Variants in MRPL37 observed in about 807,000 individuals in gnomAD.
The protein encoded by MRPL37 is mitochondrial ribosomal protein L37.
MRPL37 carries 34 observed loss-of-function variants against 44.1 expected under a neutral mutation model. The ratio of observed to expected loss-of-function variants is 0.77; its 90% CI spans 0.59 to 1.03. MRPL37 has a LOEUF of 1.03. Ranked by LOEUF, MRPL37 falls within the 50% of genes least tolerant of loss-of-function variation. MRPL37 has a pLI of 0.00. For missense variants in MRPL37, 532 were observed against 543.7 expected (o/e 0.98, Z 0.21); for synonymous variants, 212 against 219.5 (o/e 0.97, Z 0.30).
At chr1:54,218,592 G>A (rs1407473374), downstream of MRPL37, among the ~76,000 whole-genome samples, 2 of 152,234 alleles carry the variant, frequency 1.3e-5, no homozygotes, top group Non-Finnish European at 2.9e-5. Flanking sequence ...GGTTATGTGT[G>A]TGTAGTGTCT....
intron 1 of MRPL37, among the ~76,000 whole-genome samples, chr1:54,204,815 T>C (rs1327642942): frequency 1.3e-5 from 2 of 152,188 alleles, no homozygotes; most frequent in African/African-American, 2.4e-5. Context: ...CTGAAGTAGG[T>C]GGTCATTCCT....
intron 4 of MRPL37, among the ~76,000 whole-genome samples, chr1:54,211,546 G>A (rs1053820197): frequency 6.6e-6 from 1 of 151,628 alleles, no homozygotes; most frequent in African/African-American, 2.4e-5. Flanking sequence ...AGGCTGGAGT[G>A]AAGTAGCACA....
chr1:54,207,418 C>A (rs1157131215), intron 3 of MRPL37: 7 of 152,170 alleles, frequency 4.6e-5, no homozygotes, highest in African/African-American at 1.2e-4. Flanking sequence ...GCAGGAAAAC[C>A]AGCTACGGAA....
At chr1:54,224,613 C>G (rs1263962125), downstream of MRPL37, among the ~76,000 whole-genome samples, 1 of 152,194 alleles carries the variant, frequency 6.6e-6, no homozygotes, top group Admixed American at 6.5e-5. Context: ...TAAACATGGG[C>G]TGAGCCTGCC....
chr1:54,210,125 G>A lies in MRPL37; in HGVS notation c.826G>A (p.Asp276Asn), dbSNP rs1644153710. The change falls in exon 4 of 7, where the codon GAC becomes AAC. Residue 276 changes from aspartate (D) to asparagine (N), a missense_variant. Transcript: ENST00000360840. ...ATGCAATATTTATGATGTGAAAAAT[G>A]ACACAGGTAAGGATCAATGTCTTGG... ...HECNIYDVKN[D>N]TGFQEGYPYP... The A allele has an allele frequency of 3.7e-6, 6 of 1,613,826 alleles. No homozygotes were observed. The Middle Eastern group carries it at 6.6e-4, about 177-fold the overall frequency.
intron 1 of MRPL37, among the ~76,000 whole-genome samples, chr1:54,201,048 A>G (rs1644077379): frequency 6.6e-6 from 1 of 152,232 alleles, no homozygotes; most frequent in South Asian, 2.1e-4. Flanking sequence ...TAAGCCCATG[A>G]CTACTCCTCT....
At chr1:54,206,166 G>C (rs1209969484) in intron 3 of MRPL37, among the ~76,000 whole-genome samples, 1 of 151,652 alleles carries the variant, frequency 6.6e-6, no homozygotes, top group Admixed American at 6.6e-5. Flanking sequence ...AGGCTGGAGT[G>C]CAGTGGGGCA....
rs374178112 is a variant in MRPL37, at chr1:54,216,390, T to C, written c.1194+46T>C. 2.7e-5 allele frequency: 43 copies of C among 1,597,070 alleles called. No individual in the cohort carries two copies. The African/African-American group carries it at 5.2e-4, about 19-fold the overall frequency. ...CCTGACCCAGGAGGGCCATGCCTCC[T>C]CCTACCTGGTGTGAGCCTCAGGTGG... On this transcript the variant is annotated intron_variant, in intron 6 of 6. Transcript: ENST00000360840.
At chr1:54,216,366 C>G in intron 6 of MRPL37, 22 bp downstream of exon 6, 3 of 1,611,334 alleles carry the variant, frequency 1.9e-6, no homozygotes, top group African/African-American at 1.3e-5. Flanking sequence ...CATCTCCTGC[C>G]TGACCCAGGA....
chr1:54,205,769 C>T (rs1478033940), intron 3 of MRPL37, among the ~76,000 whole-genome samples: 2 of 152,206 alleles, frequency 1.3e-5, no homozygotes, highest in Non-Finnish European at 1.5e-5. Flanking sequence ...TCTTACCTCA[C>T]TTACACCTCT....
chr1:54,220,393 C>T (rs1204370041), downstream of MRPL37, among the ~76,000 whole-genome samples: 3 of 152,184 alleles, frequency 2.0e-5, no homozygotes, highest in Admixed American at 6.5e-5. Context: ...GAGGGCAGCT[C>T]GGATGCTGGC....
downstream of MRPL37, chr1:54,225,144 G>C: frequency 8.1e-7 from 1 of 1,234,336 alleles, no homozygotes; most frequent in Non-Finnish European, 1.0e-6. Flanking sequence ...AGACATTCCA[G>C]CGGACCAAAA....
At chr1:54,223,833 T>C (rs1570160461), downstream of MRPL37, among the ~76,000 whole-genome samples, 2 of 152,162 alleles carry the variant, frequency 1.3e-5, no homozygotes, top group South Asian at 4.1e-4. Flanking sequence ...CACTGGCTCA[T>C]GTAGAGCTCT....
At chr1:54,216,825 C>A (rs1644201196) in intron 6 of MRPL37, among the ~76,000 whole-genome samples, 1 of 152,220 alleles carries the variant, frequency 6.6e-6, no homozygotes, top group Non-Finnish European at 1.5e-5. Context: ...CCCATCAGAG[C>A]ACGATCACAT....
chr1:54,223,163 C>G (rs768603135), downstream of MRPL37, among the ~76,000 whole-genome samples: 1 of 152,222 alleles, frequency 6.6e-6, no homozygotes, highest in Non-Finnish European at 1.5e-5. Flanking sequence ...CTTTTACATC[C>G]AACCCCCAGC....
chr1:54,214,252 T>C (rs1644183792), intron 5 of MRPL37, among the ~76,000 whole-genome samples: 1 of 152,188 alleles, frequency 6.6e-6, no homozygotes, highest in African/African-American at 2.4e-5. Context: ...CATTATTTAA[T>C]CCTTGTAGTT....
rs1487972253 is a variant in MRPL37, at chr1:54,200,376, C to T, written c.133C>T (p.Pro45Ser). 44 of 1,614,092 alleles carry T rather than the reference C, an allele frequency of 2.7e-5. No individual in the cohort carries two copies. The highest frequency in any genetic ancestry group is 3.6e-5 in the Non-Finnish European group (42 of 1,180,034). ...CTCCACGCGGAAGTCGGAGCCTCCT[C>T]CCCTGGATAGGGTGTACGAGATCCC... Reference protein sequence around the residue: ...VRSTRKSEPPPLDRVYEIPGL... With the variant: ...VRSTRKSEPPSLDRVYEIPGL... The change falls in exon 1 of 7, where the codon CCC (proline) becomes TCC (serine). Residue 45 changes from proline to serine, a missense_variant. Transcript: ENST00000360840.
chr1:54,211,027 TA>T (rs1370120432), intron 4 of MRPL37, among the ~76,000 whole-genome samples: 1 of 152,182 alleles, frequency 6.6e-6, no homozygotes, highest in African/African-American at 2.4e-5. Flanking sequence ...GTGACTGTGC[TA>T]AATTCATCAT....
At chr1:54,218,385 C>G, downstream of MRPL37, 6 of 1,532,508 alleles carry the variant, frequency 3.9e-6, no homozygotes, top group Non-Finnish European at 5.2e-6. Context: ...TGCACTGAAG[C>G]CTGTGTTTGG....
Sources: allele counts gnomAD v4.1 joint callset (sites outside exome capture counted in the v4.1 genomes callset), GRCh38; gene constraint gnomAD v4.1.1; transcripts MANE v1.5; gene names NCBI Gene and HGNC (gene_info 2026-07-23, HGNC 2026-07-21).